STK39: variants seen among roughly 807,000 people sequenced by gnomAD.
STK39 encodes serine/threonine kinase 39.
STK39 carries 20 observed loss-of-function variants against 77.8 expected under a neutral mutation model. The ratio of observed to expected loss-of-function variants is 0.26; its 90% confidence interval spans 0.18 to 0.37. The LOEUF (loss-of-function observed/expected upper bound fraction) is 0.37, where lower values mean the gene tolerates loss of function less well. Among genes scored for constraint, STK39 ranks in the 10% least tolerant of loss-of-function variants. The pLI is 1.00. For missense variants in STK39, 479 were observed against 656.5 expected, an observed-to-expected ratio of 0.73 and a Z score of 2.95; for synonymous variants, 246 against 234.1, an observed-to-expected ratio of 1.05 and a Z score of -0.47.
intron 2 of STK39, among the ~76,000 whole-genome samples, chr2:168,173,528 T>G (rs903179290): frequency 6.7e-6 from 1 of 150,344 alleles, no homozygotes; most frequent in Non-Finnish European, 1.5e-5. Flanking sequence ...CATGAAAATG[T>G]CATTGTGAAT....
At chr2:167,994,585 C>A (rs778637270) in intron 16 of STK39, among the ~76,000 whole-genome samples, 1 of 152,170 alleles carries the variant, frequency 6.6e-6, no homozygotes, top group Non-Finnish European at 1.5e-5. Flanking sequence ...ACCCAGTAAG[C>A]AGTCACTCCC....
intron 17 of STK39, 126 bp from the exon 18 acceptor site, chr2:167,955,696 C>T: frequency 5.7e-6 from 5 of 877,542 alleles, no homozygotes; most frequent in Middle Eastern, 2.3e-4. Context: ...CCCATTTCTT[C>T]CAGAAGAGAG....
chr2:168,014,443 G>A (rs1404980171), intron 15 of STK39, among the ~76,000 whole-genome samples: 1 of 151,584 alleles, frequency 6.6e-6, no homozygotes, highest in Non-Finnish European at 1.5e-5. Context: ...CAGTCAGGGT[G>A]ACAGAGTGAA....
At chr2:168,073,293 A>C (rs1254300789) in intron 12 of STK39, among the ~76,000 whole-genome samples, 2 of 152,232 alleles carry the variant, frequency 1.3e-5, no homozygotes, top group African/African-American at 4.8e-5. Context: ...CATCAGCCTT[A>C]CTAGCAAGGC....
intron 1 of STK39, among the ~76,000 whole-genome samples, chr2:168,229,943 C>G (rs1020423257): frequency 1.3e-5 from 2 of 152,206 alleles, no homozygotes; most frequent in African/African-American, 4.8e-5. Context: ...AAAAATCACT[C>G]TGATGCTTAG....
intron 10 of STK39, among the ~76,000 whole-genome samples, chr2:168,087,319 C>G (rs1406587568): frequency 6.6e-6 from 1 of 152,214 alleles, no homozygotes; most frequent in East Asian, 1.9e-4. Context: ...AACAGAGAAA[C>G]ACACTGCGAT....
chr2:168,153,988 C>T (rs1406396881), intron 5 of STK39, among the ~76,000 whole-genome samples: 1 of 152,170 alleles, frequency 6.6e-6, no homozygotes, highest in Non-Finnish European at 1.5e-5. Context: ...GAACAGACCA[C>T]AGAGGGGCAA....
intron 1 of STK39, among the ~76,000 whole-genome samples, chr2:168,237,404 A>T (rs1346835878): frequency 6.6e-6 from 1 of 152,168 alleles, no homozygotes; most frequent in African/African-American, 2.4e-5. Flanking sequence ...GGACAATTTG[A>T]CTTCCTCTTT....
chr2:168,103,456 C>T (rs1323968186), intron 10 of STK39, among the ~76,000 whole-genome samples: 1 of 152,168 alleles, frequency 6.6e-6, no homozygotes, highest in African/African-American at 2.4e-5. Context: ...AACTATTCTC[C>T]AAGAAACAGA....
chr2:168,139,390 A>AGG (rs1157720320), intron 7 of STK39, among the ~76,000 whole-genome samples: 1 of 127,670 alleles, frequency 7.8e-6, no homozygotes, highest in South Asian at 2.6e-4. Flanking sequence ...CTAAAATCCT[A>AGG]ACTATGTTAA....
intron 16 of STK39, among the ~76,000 whole-genome samples, chr2:167,970,632 C>T (rs899722603): frequency 1.9e-4 from 29 of 152,170 alleles, no homozygotes; most frequent in African/African-American, 5.3e-4. Context: ...AAAGTAAATA[C>T]GGCCTGAGAA....
chr2:168,193,286 TA>T (rs1440648616), intron 1 of STK39, among the ~76,000 whole-genome samples: 9 of 152,062 alleles, frequency 5.9e-5, no homozygotes, highest in Non-Finnish European at 1.0e-4. Context: ...CTCTGCATGG[TA>T]GAAGTCTTTC....
chr2:168,028,145 T>A, intron 14 of STK39, among the ~76,000 whole-genome samples: 1 of 152,160 alleles, frequency 6.6e-6, no homozygotes, highest in East Asian at 1.9e-4. Context: ...GGACTCTTTT[T>A]TTTTCTCTAT....
intron 1 of STK39, among the ~76,000 whole-genome samples, chr2:168,220,150 A>T (rs1192380204): frequency 1.3e-5 from 2 of 152,086 alleles, no homozygotes; most frequent in African/African-American, 4.8e-5. Context: ...TAAACTGCTG[A>T]CCTCAAGCAA....
chr2:168,139,691 C>A (rs1687930090), intron 7 of STK39, among the ~76,000 whole-genome samples: 1 of 152,024 alleles, frequency 6.6e-6, no homozygotes, highest in Non-Finnish European at 1.5e-5. Flanking sequence ...ATTTCAGCCT[C>A]AAAACAAAAT....
At chr2:168,171,728 A>G (rs1028323423) in intron 2 of STK39, among the ~76,000 whole-genome samples, 16 of 152,006 alleles carry the variant, frequency 1.1e-4, no homozygotes, top group Admixed American at 9.2e-4. Context: ...GGCTCAAGCA[A>G]TCCTCCTCCT....
chr2:168,114,054 A>T (rs1286300647), intron 10 of STK39, among the ~76,000 whole-genome samples: 1 of 152,258 alleles, frequency 6.6e-6, no homozygotes, highest in Non-Finnish European at 1.5e-5. Context: ...AAAATTCATC[A>T]GTAAATTAAG....
chr2:167,976,968 C>T (rs1248998799), intron 16 of STK39, among the ~76,000 whole-genome samples: 1 of 152,086 alleles, frequency 6.6e-6, no homozygotes, highest in East Asian at 1.9e-4. Flanking sequence ...GTTACAGGTA[C>T]TATGGATATG....
intron 1 of STK39, 90 bp downstream of exon 1, chr2:168,247,138 T>G: frequency 2.3e-6 from 2 of 871,350 alleles, no homozygotes; most frequent in Non-Finnish European, 2.7e-6. Context: ...CTCCAGGGCG[T>G]GCATGCAGGC....
Sources: gnomAD v4.1 joint callset for allele counts (sites outside exome capture counted in the v4.1 genomes callset) on GRCh38, gnomAD v4.1.1 for gene constraint, MANE v1.5 for transcripts, NCBI Gene and HGNC (gene_info 2026-07-23, HGNC 2026-07-21) for gene names.